RAB4B: variants seen among roughly 807,000 people sequenced by gnomAD.
RAB4B encodes ras-related protein Rab-4B.
A neutral mutation model predicts 28.3 loss-of-function variants in RAB4B; 15 were observed. That is an observed-to-expected ratio of 0.53 (90% CI 0.35 to 0.82). The LOEUF is 0.82. Ranked by LOEUF, RAB4B falls within the 40% of genes least tolerant of loss-of-function variation. The probability of loss-of-function intolerance (pLI) is 0.01; values close to 1 mark genes in which losing one functional copy is unlikely to be tolerated. For missense variants in RAB4B, 244 were observed against 288.5 expected, an observed-to-expected ratio of 0.85 and a Z score of 1.12; for synonymous variants, 108 against 116.3, an observed-to-expected ratio of 0.93 and a Z score of 0.46.
chr19:40,794,178 G>A (rs546377091), intron 7 of RAB4B, among the ~76,000 whole-genome samples: 4 of 151,868 alleles, frequency 2.6e-5, no homozygotes, highest in Admixed American at 6.6e-5. Flanking sequence ...AAGTTCAAGC[G>A]ATTCTCTTGC....
chr19:40,781,638 G>A (rs1344942999), intron 3 of RAB4B, among the ~76,000 whole-genome samples: 1 of 150,854 alleles, frequency 6.6e-6, no homozygotes, highest in Non-Finnish European at 1.5e-5. Context: ...ACGTGTTGTG[G>A]GAGAGAGAGA....
intron 5 of RAB4B, among the ~76,000 whole-genome samples, chr19:40,784,493 C>CG: frequency 9.4e-6 from 1 of 106,790 alleles, no homozygotes; most frequent in Non-Finnish European, 2.2e-5. Context: ...ACACTGTCTC[C>CG]AAAAACAACA....
At chr19:40,781,769 T>C (rs2545774) in intron 3 of RAB4B, among the ~76,000 whole-genome samples, 118,075 of 151,946 alleles carry the variant, frequency 0.78, 46,219 homozygotes, top group African/African-American at 0.86. Flanking sequence ...TGCCTGTAAT[T>C]CCAGCATTTT....
chr19:40,795,680 C>A (rs929024971), intron 7 of RAB4B, among the ~76,000 whole-genome samples: 1 of 151,656 alleles, frequency 6.6e-6, no homozygotes. Flanking sequence ...CAGGCGTGAG[C>A]CACCGTGCCT....
chr19:40,787,289 C>A (rs1480018492), intron 7 of RAB4B, among the ~76,000 whole-genome samples: 1 of 151,834 alleles, frequency 6.6e-6, no homozygotes, highest in Non-Finnish European at 1.5e-5. Flanking sequence ...AATCCCTGTA[C>A]TTTGGAAGGC....
intron 7 of RAB4B, among the ~76,000 whole-genome samples, chr19:40,790,978 C>T (rs904660823): frequency 6.6e-6 from 1 of 151,886 alleles, no homozygotes; most frequent in African/African-American, 2.4e-5. Flanking sequence ...GCCTCAGCCT[C>T]CCGAGTAGCT....
At chr19:40,780,526 A>T in intron 3 of RAB4B, 27 bp downstream of exon 3, 1 of 1,571,522 alleles carries the variant, frequency 6.4e-7, no homozygotes. Context: ...CCCAAGGGTG[A>T]TGGGGAGAGA....
chr19:40,786,851 A>G lies in RAB4B; in HGVS notation c.530A>G (p.Glu177Gly). Reference sequence around the variant, plus strand: ...TGACCTCTCCCCTTCCCCACAGGCGAGCTAGACCCGGAGAGGATGGGCTCT... The same window carrying G: ...TGACCTCTCCCCTTCCCCACAGGCGGGCTAGACCCGGAGAGGATGGGCTCT... Reference protein sequence around the residue: ...RTILNKIDSGELDPERMGSGI... With the variant: ...RTILNKIDSGGLDPERMGSGI... Residue 177 changes from glutamate (E) to glycine (G), a missense_variant, in exon 7 of 8, where the codon GAG becomes GGG. Physicochemically the swap from Glu to Gly is moderately conservative, Grantham distance 98. Coordinates refer to ENST00000357052, the MANE Select transcript of RAB4B (RefSeq NM_016154.5). 1 of 1,614,078 alleles carries G rather than the reference A, an allele frequency of 6.2e-7. No individual in the cohort carries two copies. The highest frequency in any genetic ancestry group is 1.3e-5 in the African/African-American group (1 of 75,038).
chr19:40,783,692 C>G (rs527380199), intron 3 of RAB4B, 86 bp from the exon 4 acceptor site: 1 of 1,353,306 alleles, frequency 7.4e-7, no homozygotes, highest in Admixed American at 2.8e-5. Flanking sequence ...GGGGGGCCTC[C>G]GAACCACCAG....
intron 7 of RAB4B, among the ~76,000 whole-genome samples, chr19:40,788,539 G>A (rs1425234833): frequency 2.7e-5 from 4 of 148,678 alleles, no homozygotes; most frequent in East Asian, 1.9e-4. Flanking sequence ...TAAGAACTAT[G>A]GGGAAAAATA....
chr19:40,789,192 G>A (rs1184100750), intron 7 of RAB4B, among the ~76,000 whole-genome samples: 5 of 151,430 alleles, frequency 3.3e-5, no homozygotes, highest in East Asian at 1.9e-4. Context: ...CACTGCGCCC[G>A]GCCAAGAATG....
In RAB4B at chr19:40,782,850, CAT is replaced by C. The variant is rs202063185; in HGVS notation, c.213-927_213-926del. Among the ~76,000 whole-genome samples, 1,033 of 127,570 alleles carry C rather than the reference CAT, an allele frequency of 8.1e-3. 15 individuals are homozygous for C. Among genetic ancestry groups the C allele is most frequent in the African/African-American group, 0.028 (965 of 35,062 alleles). 83.7% of individuals were successfully genotyped at this position (127,570 alleles called of 152,430 possible). A position where few individuals can be genotyped will look rare whatever the true frequency, so the allele number is the denominator to read the frequency against. On this transcript the variant is annotated intron_variant, in intron 3 of 7. Coordinates refer to ENST00000357052, the MANE Select transcript of RAB4B (RefSeq NM_016154.5). ...AATCAATCAATCAATCAATAAAAGA[CAT>C]GTAGGGCCGGGCACAGTGGCTCACG...
Position 40,780,366 on chromosome 19 carries a change from C to G in RAB4B, c.98-19C>G. ...CTCCTCTCTCCCTGTACTGCCCCTT[C>G]TGTTCCTCCTACTCCCAGTCAAACA... On this transcript the variant is annotated intron_variant, in intron 2 of 7. Transcript: ENST00000357052. 1 of 1,587,564 alleles carries G rather than the reference C, an allele frequency of 6.3e-7. No homozygotes were observed. The highest frequency in any genetic ancestry group is 8.6e-7 in the Non-Finnish European group (1 of 1,165,742).
At chr19:40,780,608 A>G (rs1212465510) in intron 3 of RAB4B, 109 bp downstream of exon 3, 1 of 867,024 alleles carries the variant, frequency 1.2e-6, no homozygotes, top group Non-Finnish European at 1.8e-6. Flanking sequence ...CAAGGCAGAC[A>G]GAGAGAGATG....
chr19:40,779,417 C>G (rs910097759), intron 1 of RAB4B: 2 of 156,034 alleles, frequency 1.3e-5, no homozygotes, highest in Non-Finnish European at 2.8e-5. Context: ...TGTTCCTGGC[C>G]CACAACAACA....
At chr19:40,795,076 G>A (rs916822717) in intron 7 of RAB4B, among the ~76,000 whole-genome samples, 2 of 150,676 alleles carry the variant, frequency 1.3e-5, no homozygotes, top group Non-Finnish European at 2.9e-5. Flanking sequence ...GGCTGAGGCA[G>A]GAGAATGGCG....
At chr19:40,794,072 AATT>A (rs901294763) in intron 7 of RAB4B, among the ~76,000 whole-genome samples, 8 of 151,328 alleles carry the variant, frequency 5.3e-5, no homozygotes, top group East Asian at 2.0e-4. Context: ...TATCTTTTTA[AATT>A]ATTATTATTA....
intron 3 of RAB4B, among the ~76,000 whole-genome samples, chr19:40,783,533 A>T (rs1568492103): frequency 6.6e-6 from 1 of 152,130 alleles, no homozygotes; most frequent in Non-Finnish European, 1.5e-5. Context: ...ACAAAAATGG[A>T]GATTCATAAA....
At chr19:40,778,484 G>C in intron 1 of RAB4B, 93 bp downstream of exon 1, 1 of 1,294,812 alleles carries the variant, frequency 7.7e-7, no homozygotes, top group Non-Finnish European at 1.0e-6. Flanking sequence ...TCAGGGGGCG[G>C]GGTCTGGTGT....
Sources: gnomAD v4.1 joint callset for allele counts (sites outside exome capture counted in the v4.1 genomes callset) on GRCh38, gnomAD v4.1.1 for gene constraint, MANE v1.5 for transcripts, NCBI Gene and HGNC (gene_info 2026-07-23, HGNC 2026-07-21) for gene names.